The following RARB variants were observed in gnomAD, a reference collection of about 807,000 sequenced individuals.
The protein encoded by RARB is HBV-activated protein.
RARB carries 17 observed loss-of-function variants against 51.9 expected under a neutral mutation model. That is an observed-to-expected ratio of 0.33 (90% CI 0.22 to 0.49). The LOEUF is 0.49. RARB is among the 20% of genes least tolerant of loss of function. The pLI is 0.99. For missense variants in RARB, 369 were observed against 550.8 expected (o/e 0.67, Z 3.30); for synonymous variants, 215 against 195.4 (o/e 1.10, Z -0.84).
chr3:24,946,978 C>A (rs11922530), intron 2 of RARB, among the ~76,000 whole-genome samples: 2,445 of 152,228 alleles, frequency 0.016, 63 homozygotes, highest in African/African-American at 0.054. Flanking sequence ...ATTGAAAAGA[C>A]ATGCTGAATT....
chr3:25,085,228 A>T (rs1163976071), intron 3 of RARB, among the ~76,000 whole-genome samples: 1 of 152,152 alleles, frequency 6.6e-6, no homozygotes, highest in Non-Finnish European at 1.5e-5. Flanking sequence ...TGAAAATAGA[A>T]TTTCTTTAAC....
chr3:25,144,534 C>G (rs1240357857), intron 4 of RARB, among the ~76,000 whole-genome samples: 1 of 152,102 alleles, frequency 6.6e-6, no homozygotes, highest in Non-Finnish European at 1.5e-5. Flanking sequence ...TAAAAAGTGG[C>G]AATGTGATGT....
At chr3:25,363,960 T>C (rs534653757) in intron 5 of RARB, among the ~76,000 whole-genome samples, 1 of 152,222 alleles carries the variant, frequency 6.6e-6, no homozygotes, top group Non-Finnish European at 1.5e-5. Context: ...AGATCTTTCC[T>C]TAACTTCCTT....
At chr3:25,478,907 G>A (rs896617391) in intron 2 of RARB, among the ~76,000 whole-genome samples, 6 of 152,268 alleles carry the variant, frequency 3.9e-5, no homozygotes, top group African/African-American at 9.6e-5. Context: ...CAGTCCTTGC[G>A]TTTTCAGGGT....
chr3:25,044,734 A>T (rs1419847344), intron 2 of RARB, among the ~76,000 whole-genome samples: 1 of 152,258 alleles, frequency 6.6e-6, no homozygotes, highest in Non-Finnish European at 1.5e-5. Context: ...TTAAGTAAGT[A>T]TCTTTCTAAT....
intron 3 of RARB, among the ~76,000 whole-genome samples, chr3:25,078,086 C>T (rs1322189417): frequency 1.3e-5 from 2 of 151,760 alleles, no homozygotes; most frequent in Admixed American, 6.6e-5. Flanking sequence ...TATAGTTTGC[C>T]TATGGATATC....
intron 5 of RARB, among the ~76,000 whole-genome samples, chr3:25,296,951 G>A (rs768946979): frequency 6.6e-6 from 1 of 152,298 alleles, no homozygotes; most frequent in African/African-American, 2.4e-5. Flanking sequence ...CGTGAGGCTC[G>A]TGGACTGAGA....
chr3:24,917,384 A>G (rs1273259010), intron 2 of RARB, among the ~76,000 whole-genome samples: 4 of 152,254 alleles, frequency 2.6e-5, no homozygotes, highest in Non-Finnish European at 5.9e-5. Flanking sequence ...CACAGGCTGT[A>G]AGAAAATATT....
intron 3 of RARB, among the ~76,000 whole-genome samples, chr3:25,086,396 G>C (rs567338798): frequency 6.6e-6 from 1 of 152,282 alleles, no homozygotes; most frequent in African/African-American, 2.4e-5. Context: ...ATTTGCTAAC[G>C]TAAGAAGGTG....
intron 1 of RARB, 115 bp from the exon 2 acceptor site, chr3:25,461,078 C>A: frequency 8.1e-7 from 1 of 1,228,896 alleles, no homozygotes; most frequent in Non-Finnish European, 1.1e-6. Context: ...TGAGCCCATT[C>A]TTGCTAGTGT....
intron 3 of RARB, among the ~76,000 whole-genome samples, chr3:25,107,262 T>C (rs918430312): frequency 6.6e-6 from 1 of 152,160 alleles, no homozygotes; most frequent in Non-Finnish European, 1.5e-5. Context: ...AGTTATCTTA[T>C]ATGCAGATAC....
chr3:25,465,288 C>T (rs899498683), intron 2 of RARB, among the ~76,000 whole-genome samples: 1 of 152,162 alleles, frequency 6.6e-6, no homozygotes, highest in African/African-American at 2.4e-5. Flanking sequence ...TTGATATTTA[C>T]TATGGGCCCT....
In RARB at chr3:25,139,412, C is replaced by T. The variant is rs573094227; in HGVS notation, c.-280+7204C>T. On this transcript the variant is annotated intron_variant, in intron 4 of 11. Coordinates refer to the RARB transcript ENST00000383772. ...AAATGAAACAGCCTTATTGCTGATA[C>T]GGAGAAAGTTTTAGTGGTGTGGATA... Among the ~76,000 whole-genome samples the T allele has an allele frequency of 7.2e-5, 11 of 152,254 alleles. No homozygotes were observed. In the East Asian group the frequency reaches 1.5e-3, roughly 21 times the overall value.
intron 1 of RARB, among the ~76,000 whole-genome samples, chr3:25,452,779 C>CT (rs1466143975): frequency 6.6e-6 from 1 of 152,168 alleles, no homozygotes; most frequent in African/African-American, 2.4e-5. Flanking sequence ...TCAGTTCTCC[C>CT]TCTCCTCATG....
chr3:25,448,762 C>T (rs768284670), intron 1 of RARB, among the ~76,000 whole-genome samples: 21 of 152,146 alleles, frequency 1.4e-4, no homozygotes, highest in Non-Finnish European at 2.5e-4. Flanking sequence ...CCACCGTGCC[C>T]GGCCGAGAAT....
chr3:24,840,692 T>A (rs1702409371), intron 1 of RARB, among the ~76,000 whole-genome samples: 2 of 151,096 alleles, frequency 1.3e-5, no homozygotes, highest in Non-Finnish European at 2.9e-5. Flanking sequence ...TGGTTAGTAT[T>A]TGCTGTTGCC....
intron 2 of RARB, among the ~76,000 whole-genome samples, chr3:25,034,630 G>T (rs1697944971): frequency 6.6e-6 from 1 of 152,144 alleles, no homozygotes; most frequent in South Asian, 2.1e-4. Context: ...ACAAACATCT[G>T]CCATCTTCTA....
intron 2 of RARB, among the ~76,000 whole-genome samples, chr3:24,943,420 G>A (rs1005781926): frequency 6.6e-6 from 1 of 152,054 alleles, no homozygotes; most frequent in Non-Finnish European, 1.5e-5. Context: ...TACCCCTTTA[G>A]GTCTAACGGC....
intron 3 of RARB, among the ~76,000 whole-genome samples, chr3:25,541,199 C>G (rs1575501257): frequency 6.6e-6 from 1 of 152,210 alleles, no homozygotes; most frequent in African/African-American, 2.4e-5. Context: ...CCCTTGCTCT[C>G]TATTGATAAA....
Sources: gnomAD v4.1 joint callset for allele counts (sites outside exome capture counted in the v4.1 genomes callset) on GRCh38, gnomAD v4.1.1 for gene constraint, MANE v1.5 for transcripts, NCBI Gene and HGNC (gene_info 2026-07-23, HGNC 2026-07-21) for gene names.